The following PCCA variants were observed in gnomAD, a reference collection of about 807,000 sequenced individuals.
PCCA encodes the protein propionyl-CoA carboxylase subunit alpha.
In PCCA, 74 loss-of-function variants were observed where a neutral mutation model predicts 101.3. That is an observed-to-expected ratio of 0.73 (90% CI 0.61 to 0.89). The LOEUF (loss-of-function observed/expected upper bound fraction) is 0.89. PCCA is among the 40% of genes least tolerant of loss of function. The pLI is 0.00. For synonymous variants in PCCA, 294 were observed against 313.6 expected, an observed-to-expected ratio of 0.94 and a Z score of 0.66; for missense variants, 891 against 907.0, an observed-to-expected ratio of 0.98 and a Z score of 0.23.
chr13:100,346,276 A>T lies in PCCA; in HGVS notation c.1643+6017A>T, dbSNP rs142732426. Among the ~76,000 whole-genome samples the T allele has an allele frequency of 4.3e-4, 66 of 152,334 alleles. 1 individual carries two copies. In the East Asian group the frequency reaches 0.013, roughly 29 times the overall value. ...CACCATTCTAGATCCCCTTAAGAAC[A>T]TTTGTGCTTCAATGGGCAAAATAAA... is the stretch of plus-strand genomic sequence containing the variant. On this transcript the variant is annotated intron_variant, in intron 18 of 23. Coordinates refer to ENST00000376285, the MANE Select transcript of PCCA (RefSeq NM_000282.4).
intron 12 of PCCA, among the ~76,000 whole-genome samples, chr13:100,283,721 C>T (rs1357178784): frequency 6.6e-6 from 1 of 152,208 alleles, no homozygotes; most frequent in African/African-American, 2.4e-5. Flanking sequence ...AGAAAGGCCG[C>T]AGCCTTAGTC....
intron 20 of PCCA, among the ~76,000 whole-genome samples, chr13:100,427,433 C>A (rs988935479): frequency 6.6e-6 from 1 of 152,130 alleles, no homozygotes; most frequent in Non-Finnish European, 1.5e-5. Flanking sequence ...AGTGAGTGCG[C>A]AGATAGTTGT....
intron 19 of PCCA, among the ~76,000 whole-genome samples, chr13:100,408,741 G>A (rs9557430): frequency 0.18 from 28,114 of 152,124 alleles, 3,797 homozygotes; most frequent in East Asian, 0.61. Flanking sequence ...ATGGAAGCCT[G>A]ATTTCACAAC....
At chr13:100,099,959 A>G (rs1233823221) in intron 1 of PCCA, among the ~76,000 whole-genome samples, 1 of 152,176 alleles carries the variant, frequency 6.6e-6, no homozygotes, top group East Asian at 1.9e-4. Flanking sequence ...CTTATTGACT[A>G]TATTATTCTC....
intron 22 of PCCA, chr13:100,527,350 T>C: frequency 2.0e-6 from 1 of 492,758 alleles, no homozygotes; most frequent in Non-Finnish European, 4.1e-6. Flanking sequence ...TTCAGGTAAG[T>C]GGAAAACATT....
chr13:100,285,428 C>T (rs1282695665), intron 12 of PCCA, among the ~76,000 whole-genome samples: 1 of 152,170 alleles, frequency 6.6e-6, no homozygotes, highest in African/African-American at 2.4e-5. Flanking sequence ...AACCCCACCA[C>T]CAGTGGCATA....
At chr13:100,185,002 C>G (rs1339610726) in intron 6 of PCCA, among the ~76,000 whole-genome samples, 3 of 152,130 alleles carry the variant, frequency 2.0e-5, no homozygotes, top group African/African-American at 7.2e-5. Flanking sequence ...GACATATATA[C>G]CGAAAAATGC....
chr13:100,497,848 G>A (rs1214200889), intron 21 of PCCA, among the ~76,000 whole-genome samples: 1 of 151,958 alleles, frequency 6.6e-6, no homozygotes. Context: ...CTTCAGCACT[G>A]GAAGTTTTTC....
intron 4 of PCCA, 104 bp downstream of exon 4, chr13:100,112,165 A>T: frequency 1.3e-6 from 1 of 790,760 alleles, no homozygotes; most frequent in Non-Finnish European, 2.2e-6. Context: ...GATACATTCA[A>T]GTTTAAAAAC....
At chr13:100,521,861 A>G (rs536405380) in intron 22 of PCCA, among the ~76,000 whole-genome samples, 24 of 152,216 alleles carry the variant, frequency 1.6e-4, no homozygotes, top group Non-Finnish European at 3.5e-4. Context: ...GGCGTTGCAG[A>G]AGTGGAAACT....
At chr13:100,477,930 C>G (rs2083543264) in intron 21 of PCCA, among the ~76,000 whole-genome samples, 1 of 152,240 alleles carries the variant, frequency 6.6e-6, no homozygotes, top group South Asian at 2.1e-4. Context: ...GCCACCTGCA[C>G]CTGACAAGGC....
chr13:100,205,481 C>G (rs2058794056), intron 6 of PCCA, among the ~76,000 whole-genome samples: 1 of 145,998 alleles, frequency 6.8e-6, no homozygotes, highest in Non-Finnish European at 1.5e-5. Flanking sequence ...ATACTACTGG[C>G]TATTTTTCTT....
chr13:100,229,619 C>G (rs539974209), intron 7 of PCCA, among the ~76,000 whole-genome samples: 1 of 152,110 alleles, frequency 6.6e-6, no homozygotes, highest in Non-Finnish European at 1.5e-5. Context: ...TCTCCTCTGC[C>G]GTTGCCTCTT....
At chr13:100,221,746 ATT>A (rs3034654) in intron 7 of PCCA, among the ~76,000 whole-genome samples, 18 of 121,558 alleles carry the variant, frequency 1.5e-4, no homozygotes, top group African/African-American at 2.0e-4. Context: ...TCCCTGGGAA[ATT>A]TTTTTTTTTT....
At chr13:100,371,434 A>G (rs2075565467) in intron 19 of PCCA, among the ~76,000 whole-genome samples, 1 of 152,228 alleles carries the variant, frequency 6.6e-6, no homozygotes, top group Admixed American at 6.5e-5. Flanking sequence ...ATGGAAGGGT[A>G]TCTTGTGTCA....
chr13:100,527,170 A>G, intron 22 of PCCA: 1 of 383,104 alleles, frequency 2.6e-6, no homozygotes, highest in Non-Finnish European at 5.3e-6. Context: ...AACGTGTACG[A>G]TTCGGTGGTT....
intron 18 of PCCA, among the ~76,000 whole-genome samples, chr13:100,365,078 A>G (rs1716664523): frequency 6.6e-6 from 1 of 152,204 alleles, no homozygotes; most frequent in Non-Finnish European, 1.5e-5. Context: ...TTGTTAGAAA[A>G]GTGCCACTGC....
chr13:100,263,845 A>G (rs953113969), intron 10 of PCCA, among the ~76,000 whole-genome samples: 55 of 145,258 alleles, frequency 3.8e-4, no homozygotes, highest in Admixed American at 1.4e-3. Flanking sequence ...TGTATATCGT[A>G]TATATATATA....
intron 4 of PCCA, among the ~76,000 whole-genome samples, chr13:100,150,201 T>C (rs748007774): frequency 1.7e-4 from 26 of 151,940 alleles, no homozygotes; most frequent in Non-Finnish European, 3.4e-4. Flanking sequence ...GTAATTTTTC[T>C]TTTGTATTTT....
Sources: allele counts gnomAD v4.1 joint callset (sites outside exome capture counted in the v4.1 genomes callset), GRCh38; gene constraint gnomAD v4.1.1; transcripts MANE v1.5; gene names NCBI Gene and HGNC (gene_info 2026-07-23, HGNC 2026-07-21).